Variants in FKBP4 observed in about 807,000 individuals in gnomAD.
FKBP4 encodes the protein FKBP prolyl isomerase 4, also known as peptidyl-prolyl cis-trans isomerase FKBP4.
FKBP4 carries 28 observed loss-of-function variants against 54.1 expected under a neutral mutation model. That is an observed-to-expected ratio of 0.52 (90% CI 0.38 to 0.71). FKBP4 has a LOEUF of 0.71. Among genes scored for constraint, FKBP4 ranks in the 30% least tolerant of loss-of-function variants. The pLI is 0.00. For missense variants in FKBP4, 493 were observed against 574.4 expected (o/e 0.86, Z 1.45); for synonymous variants, 223 against 216.1 (o/e 1.03, Z -0.28).
At position 2,804,749 on chromosome 12, in the gene FKBP4, A is replaced by C. The variant is rs1204419926; in HGVS notation, c.*1491A>C. ...GTGGAAGATGTATTTCTGTGTGAAA[A>C]TTTTCACCAAGTCATACAACACAGC... On this transcript the variant is annotated 3_prime_UTR_variant, in exon 10 of 10. Transcript: ENST00000001008. 1 of 158,974 alleles carries C rather than the reference A, an allele frequency of 6.3e-6. No homozygotes were observed. The highest frequency in any genetic ancestry group is 1.9e-4 in the East Asian group (1 of 5,324). 9.8% of individuals were successfully genotyped at this position (158,974 alleles called of 1,614,324 possible).
rs776551892 is a variant in FKBP4 at position 2,797,242 on chromosome 12, T to C, written c.210T>C (p.Ser70=). The C allele has an allele frequency of 1.2e-6, 2 of 1,613,906 alleles. No homozygotes were observed. Among genetic ancestry groups the C allele is most frequent in the South Asian group, 1.1e-5 (1 of 91,078 alleles). The change falls in exon 2 of 10, where the codon AGT becomes AGC. Residue 70 remains serine, a synonymous_variant. Transcript: ENST00000001008. ...TAGATGGCACAAAGTTTGACTCCAG[T>C]CTGGATCGCAAGGACAAATTCTCCT... is the stretch of plus-strand genomic sequence containing the variant. ...WLLDGTKFDS[S]LDRKDKFSFD...
chr12:2,797,374 G>A (rs2097902430), intron 2 of FKBP4, 92 bp downstream of exon 2: 1 of 1,458,404 alleles, frequency 6.9e-7, no homozygotes, highest in African/African-American at 1.4e-5. Flanking sequence ...AGCTCAGGGA[G>A]GAATGGTTTA....
rs933691817 is a variant in FKBP4, at chr12:2,800,572, A to G, written c.1027A>G (p.Asn343Asp). The G allele has an allele frequency of 1.2e-6, 2 of 1,608,468 alleles. No individual in the cohort carries two copies. Among genetic ancestry groups the G allele is most frequent in the Admixed American group, 1.7e-5 (1 of 59,178 alleles). The change falls in exon 8 of 10, where the codon AAC (asparagine) becomes GAC (aspartate). Residue 343 changes from asparagine to aspartate, a missense_variant. Coordinates refer to ENST00000001008, the MANE Select transcript of FKBP4 (RefSeq NM_002014.4). ...CTTCTCTGCTGCCATTGAAAGCTGT[A>G]ACAAGGTGAGGCCCCCTCAGAGGTC... ...QAFSAAIESC[N>D]KALELDSNNE...
Position 2,799,055 on chromosome 12 carries a change from C to A in FKBP4, c.515-33C>A, listed in dbSNP as rs147940690. On this transcript the variant is annotated intron_variant, in intron 4 of 9. Transcript: ENST00000001008. ...CCTTCCTCAGTCACCTGCCCTCTTA[C>A]AACTCTGGTACACTGCCTCTCTTTC... 191 of 1,522,128 alleles carry A rather than the reference C, an allele frequency of 1.3e-4. 1 individual carries two copies. The East Asian group carries it at 4.2e-3, about 33-fold the overall frequency. The allele number at this position is 1,522,128 out of a possible 1,614,324, so 94.3% of individuals were successfully genotyped here. A position where few individuals can be genotyped will look rare whatever the true frequency, so the allele number is the denominator to read the frequency against.
chr12:2,797,958 T>A, intron 3 of FKBP4, 87 bp downstream of exon 3: 1 of 1,495,180 alleles, frequency 6.7e-7, no homozygotes, highest in South Asian at 1.3e-5. Flanking sequence ...TTCCTGCTTC[T>A]TGGAGACAAT....
chr12:2,801,979 G>A (rs546799884), intron 9 of FKBP4, among the ~76,000 whole-genome samples: 2 of 152,160 alleles, frequency 1.3e-5, no homozygotes, highest in East Asian at 3.9e-4. Context: ...CTATGATTTG[G>A]CGCATACTAT....
At position 2,796,378 on chromosome 12, in the gene FKBP4, T is replaced by C. The variant is rs931924756; in HGVS notation, c.106-760T>C. On this transcript the variant is annotated intron_variant, in intron 1 of 9. Transcript: ENST00000001008. ...GAGATTGTTATTCCAGGAAAGCTCATTTCCCCTTTGATCCATCATTCCTTC... is the reference window on the plus strand; with the variant it reads ...GAGATTGTTATTCCAGGAAAGCTCACTTCCCCTTTGATCCATCATTCCTTC... The C allele has an allele frequency of 2.3e-6, 3 of 1,289,056 alleles. No individual in the cohort carries two copies. The African/African-American group carries it at 4.6e-5, about 20-fold the overall frequency. The allele number at this position is 1,289,056 out of a possible 1,614,324, so 79.9% of individuals were successfully genotyped here. A position where few individuals can be genotyped will look rare whatever the true frequency, so the allele number is the denominator to read the frequency against.
chr12:2,797,579 T>C (rs2097902596), intron 2 of FKBP4, 150 bp from the exon 3 acceptor site: 1 of 971,140 alleles, frequency 1.0e-6, no homozygotes, highest in African/African-American at 1.6e-5. Flanking sequence ...CTGGTAGCAC[T>C]TAATACAACC....
chr12:2,801,194 A>T lies in FKBP4; in HGVS notation c.1110A>T (p.Glu370Asp). Residue 370 changes from glutamate to aspartate, a missense_variant, in exon 9 of 10, where the codon GAA becomes GAT. Physicochemically the swap from Glu to Asp is conservative, Grantham distance 45. Coordinates refer to ENST00000001008, the MANE Select transcript of FKBP4 (RefSeq NM_002014.4). ...GEAHLAVNDF[E>D]LARADFQKVL... is the part of the protein sequence containing the mutation. ...CCCACCTGGCCGTGAATGACTTTGAACTGGCACGGGCTGATTTCCAGAAGG... is the reference window on the plus strand; with the variant it reads ...CCCACCTGGCCGTGAATGACTTTGATCTGGCACGGGCTGATTTCCAGAAGG... 3 of 1,613,426 alleles carry T rather than the reference A, an allele frequency of 1.9e-6. No individual in the cohort carries two copies. The South Asian group carries it at 3.3e-5, about 18-fold the overall frequency.
intron 6 of FKBP4, 32 bp from the exon 7 acceptor site, chr12:2,800,007 G>C (rs572779580): frequency 6.2e-7 from 1 of 1,613,918 alleles, no homozygotes; most frequent in South Asian, 1.1e-5. Flanking sequence ...TGGGGTAGCT[G>C]ACAACTTTGT....
At position 2,795,232 on chromosome 12, in the gene FKBP4, A is replaced by T. The variant is rs2153918632; in HGVS notation, c.93A>T (p.Glu31Asp). The T allele has an allele frequency of 7.5e-7, 1 of 1,331,908 alleles. No individual in the cohort carries two copies. Among genetic ancestry groups the T allele is most frequent in the Non-Finnish European group, 9.7e-7 (1 of 1,033,768 alleles). 82.5% of individuals were successfully genotyped at this position (1,331,908 alleles called of 1,614,324 possible). A position where few individuals can be genotyped will look rare whatever the true frequency, so the allele number is the denominator to read the frequency against. Reference sequence around the variant, plus strand: ...TGGACATCAGCCCCAAACAGGACGAAGGCGTGCTGAAGGTGAGGGGCGGCG... The same window carrying T: ...TGGACATCAGCCCCAAACAGGACGATGGCGTGCTGAAGGTGAGGGGCGGCG... ...EGVDISPKQD[E>D]GVLKVIKREG... The change falls in exon 1 of 10, where the codon GAA (glutamate) becomes GAT (aspartate). Residue 31 changes from glutamate (E) to aspartate (D), a missense_variant. Glu to Asp is a conservative substitution (Grantham distance 45). Transcript: ENST00000001008. The surrounding 1 kb of genome is among the most constrained non-coding windows in gnomAD (Gnocchi z 4.3).
intron 1 of FKBP4, chr12:2,796,086 T>C: frequency 8.4e-7 from 1 of 1,193,272 alleles, no homozygotes; most frequent in South Asian, 1.5e-5. Flanking sequence ...CAACCTGCCT[T>C]GGGTCGGAGC....
intron 2 of FKBP4, among the ~76,000 whole-genome samples, 172 bp from the exon 3 acceptor site, chr12:2,797,557 C>G (rs917454225): frequency 1.3e-5 from 2 of 152,086 alleles, no homozygotes; most frequent in African/African-American, 2.4e-5. Context: ...TGATCTTTTA[C>G]AGTTCTTAGA....
In FKBP4 at chr12:2,799,955, G is replaced by C. The variant is rs2153919984; in HGVS notation, c.762+15G>C. ...GTTTTGAAAAGGTAAGTTTGCTCAG[G>C]GTCTTCCCATCTAAAGTCAAGTTCC... On this transcript the variant is annotated intron_variant, in intron 6 of 9. Coordinates refer to ENST00000001008, the MANE Select transcript of FKBP4 (RefSeq NM_002014.4). The C allele has an allele frequency of 3.7e-6, 6 of 1,613,814 alleles. No individual in the cohort carries two copies. In the East Asian group the frequency reaches 1.3e-4, roughly 36 times the overall value.
chr12:2,798,757 G>T lies in FKBP4; in HGVS notation c.445G>T (p.Gly149Ter). 6.2e-7 allele frequency: 1 copy of T among 1,614,154 alleles called. No individual in the cohort carries two copies. The highest frequency in any genetic ancestry group is 1.1e-5 in the South Asian group (1 of 91,076). ...GEDLTEEEDGGIIRRIQTRGE... is the reference protein window; with the variant it reads ...GEDLTEEEDG The stretch of plus-strand genomic sequence containing the variant: ...AGATCTGACGGAAGAGGAAGATGGC[G>T]GAATCATTCGCAGAATACAGACTCG... Residue 149 changes from glycine to a stop codon, truncating the protein, a stop_gained, in exon 4 of 10, where the codon GGA becomes TGA. Transcript: ENST00000001008. LOFTEE classifies it high-confidence loss of function. This position sits in a 1 kb window ranked among gnomAD's most constrained non-coding sequence, Gnocchi z 4.3.
intron 1 of FKBP4, chr12:2,796,519 T>TA: frequency 1.0e-6 from 1 of 985,438 alleles, no homozygotes. Context: ...TTCTGGGAAA[T>TA]ACTCCAGCCC....
Position 2,797,336 on chromosome 12 carries a change from A to C in FKBP4, c.250+54A>C, listed in dbSNP as rs910145779. ...AGGTTCGAGGTGGACACAAGCTGTC[A>C]CAAGCAGAAACCATTTTCTCAGGAC... On this transcript the variant is annotated intron_variant, in intron 2 of 9. Coordinates refer to ENST00000001008, the MANE Select transcript of FKBP4 (RefSeq NM_002014.4). The C allele has an allele frequency of 3.1e-6, 5 of 1,601,218 alleles. No homozygotes were observed. In the African/African-American group the frequency reaches 6.7e-5, roughly 21 times the overall value.
rs1565395969 is a variant in FKBP4 at position 2,796,642 on chromosome 12, C to T, written c.106-496C>T. 24 of 1,131,712 alleles carry T rather than the reference C, an allele frequency of 2.1e-5. No homozygotes were observed. The South Asian group carries it at 4.6e-4, about 22-fold the overall frequency. The allele number at this position is 1,131,712 out of a possible 1,614,324, so 70.1% of individuals were successfully genotyped here. Reference sequence around the variant, plus strand: ...CTTCCTTACCTGTTTTGAACTGTTTCTATTCTCTTCACTCATACTCCTCTC... The same window carrying T: ...CTTCCTTACCTGTTTTGAACTGTTTTTATTCTCTTCACTCATACTCCTCTC... On this transcript the variant is annotated intron_variant, in intron 1 of 9. Transcript: ENST00000001008.
At position 2,799,183 on chromosome 12, in the gene FKBP4, C is replaced by A; in HGVS notation, c.610C>A (p.Leu204Met). ...EGENLDLPYGLERAIQRMEKG... is the reference protein window; with the variant it reads ...EGENLDLPYGMERAIQRMEKG... ...GGAGAACCTGGATCTGCCTTATGGT[C>A]TGGAGAGGGCCATTCAGCGCATGGA... is the stretch of plus-strand genomic sequence containing the variant. Residue 204 changes from leucine (L) to methionine (M), a missense_variant, in exon 5 of 10, where the codon CTG becomes ATG. Coordinates refer to ENST00000001008, the MANE Select transcript of FKBP4 (RefSeq NM_002014.4). 6.3e-7 allele frequency: 1 copy of A among 1,590,158 alleles called. No individual in the cohort carries two copies. The highest frequency in any genetic ancestry group is 1.1e-5 in the South Asian group (1 of 86,990).
Sources: allele counts gnomAD v4.1 joint callset (sites outside exome capture counted in the v4.1 genomes callset), GRCh38; gene constraint gnomAD v4.1.1; non-coding constraint Gnocchi (gnomAD v3.1); transcripts MANE v1.5; gene names NCBI Gene and HGNC (gene_info 2026-07-23, HGNC 2026-07-21).